RAPGEF5: variants seen among roughly 807,000 people sequenced by gnomAD.
The protein encoded by RAPGEF5 is M-Ras-regulated GEF.
RAPGEF5 carries 65 observed loss-of-function variants against 125.2 expected under a neutral mutation model. The observed-to-expected ratio is 0.52, with a 90% CI of 0.43 to 0.64. The LOEUF is 0.64. RAPGEF5 is among the 30% of genes least tolerant of loss of function. The pLI, the probability that RAPGEF5 is intolerant of heterozygous loss-of-function variation, is 0.00. For missense variants in RAPGEF5, 958 were observed against 1,048.1 expected, an observed-to-expected ratio of 0.91 and a Z score of 1.19; for synonymous variants, 391 against 385.9, an observed-to-expected ratio of 1.01 and a Z score of -0.16.
At chr7:22,287,661 A>G (rs1284228924) in intron 6 of RAPGEF5, among the ~76,000 whole-genome samples, 1 of 152,214 alleles carries the variant, frequency 6.6e-6, no homozygotes, top group Non-Finnish European at 1.5e-5. Flanking sequence ...TAGGGGTCAC[A>G]GTAGATGAGA....
At chr7:22,235,774 C>T (rs1379318158) in intron 7 of RAPGEF5, among the ~76,000 whole-genome samples, 1 of 152,136 alleles carries the variant, frequency 6.6e-6, no homozygotes, top group Non-Finnish European at 1.5e-5. Flanking sequence ...ATACTCCAAC[C>T]ACATTCAGCC....
At chr7:22,267,571 G>A (rs1191722944) in intron 6 of RAPGEF5, among the ~76,000 whole-genome samples, 1 of 151,950 alleles carries the variant, frequency 6.6e-6, no homozygotes, top group Non-Finnish European at 1.5e-5. Context: ...AGGTGAAATG[G>A]GAATATACTA....
intron 5 of RAPGEF5, among the ~76,000 whole-genome samples, chr7:22,296,844 T>C (rs1783073190): frequency 6.6e-6 from 1 of 152,178 alleles, no homozygotes; most frequent in Admixed American, 6.5e-5. Flanking sequence ...CAAGAGATGT[T>C]ATCCCAGGGG....
chr7:22,136,991 A>G lies in RAPGEF5; in HGVS notation c.2278-8T>C. Reference sequence around the variant, plus strand: ...AAACTTCCCAGGGATTTTCTAAAAAACAAACACAAACAAAAAACAGAAGGT... The same window carrying G: ...AAACTTCCCAGGGATTTTCTAAAAAGCAAACACAAACAAAAAACAGAAGGT... On this transcript the variant is annotated splice_region_variant and splice_polypyrimidine_tract_variant and intron_variant, in intron 21 of 25. Coordinates refer to ENST00000665637, the MANE Select transcript of RAPGEF5 (RefSeq NM_012294.5). 1 of 1,560,688 alleles carries G rather than the reference A, an allele frequency of 6.4e-7. No individual in the cohort carries two copies.
chr7:22,313,130 T>A (rs1360361355), intron 3 of RAPGEF5, among the ~76,000 whole-genome samples: 1 of 152,246 alleles, frequency 6.6e-6, no homozygotes, highest in Non-Finnish European at 1.5e-5. Context: ...ATGTGACTGC[T>A]TAACAAAACA....
At chr7:22,241,734 T>G (rs1409334313) in intron 7 of RAPGEF5, among the ~76,000 whole-genome samples, 1 of 152,188 alleles carries the variant, frequency 6.6e-6, no homozygotes, top group Admixed American at 6.5e-5. Context: ...CATTGTTATC[T>G]GTGGATGGGA....
At chr7:22,248,383 G>A (rs1583515617) in intron 7 of RAPGEF5, among the ~76,000 whole-genome samples, 1 of 152,114 alleles carries the variant, frequency 6.6e-6, no homozygotes, top group Admixed American at 6.6e-5. Context: ...CTAAGTCTTG[G>A]GTTAGTTTCA....
At chr7:22,262,099 G>A (rs1013374577) in intron 7 of RAPGEF5, among the ~76,000 whole-genome samples, 20 of 152,032 alleles carry the variant, frequency 1.3e-4, no homozygotes, top group South Asian at 2.1e-4. Flanking sequence ...TGAAAGACTC[G>A]TTGAGAGGAT....
intron 12 of RAPGEF5, 24 bp from the exon 13 acceptor site, chr7:22,162,565 A>G (rs1399688181): frequency 1.3e-6 from 2 of 1,585,042 alleles, no homozygotes; most frequent in Non-Finnish European, 8.6e-7. Context: ...AGAAAAAATT[A>G]TATTGTTGAA....
Position 22,150,512 on chromosome 7 carries a change from T to C in RAPGEF5, c.1787-8A>G. 1 of 1,324,578 alleles carries C rather than the reference T, an allele frequency of 7.5e-7. No individual in the cohort carries two copies. The highest frequency in any genetic ancestry group is 1.5e-5 in the South Asian group (1 of 66,516). The allele number at this position is 1,324,578 out of a possible 1,614,324, so 82.1% of individuals were successfully genotyped here. A position where few individuals can be genotyped will look rare whatever the true frequency, so the allele number is the denominator to read the frequency against. On this transcript the variant is annotated splice_region_variant and splice_polypyrimidine_tract_variant and intron_variant, in intron 17 of 25. Transcript: ENST00000665637. ...GCTGAAGTTCATGCTTTTCTTTATT[T>C]GAAAAAAAAAAAAAAAAAAGGAATA...
chr7:22,229,051 T>C (rs1010992084), intron 8 of RAPGEF5, among the ~76,000 whole-genome samples: 16 of 152,056 alleles, frequency 1.1e-4, no homozygotes, highest in Non-Finnish European at 1.8e-4. Flanking sequence ...GGGGACACCA[T>C]GGGGACAAAG....
rs796138540 is a variant in RAPGEF5, at chr7:22,182,233, G to A, written c.1204+11134C>T. The stretch of plus-strand genomic sequence containing the variant: ...TTATCTCACTTTAAATCCAACAACC[G>A]TCTGGGGAGATGACACAAGATCTCT... On this transcript the variant is annotated intron_variant, in intron 11 of 25. Transcript: ENST00000665637. Among the ~76,000 whole-genome samples, 7 of 152,110 alleles carry A rather than the reference G, an allele frequency of 4.6e-5. No homozygotes were observed. In the South Asian group the frequency reaches 8.3e-4, roughly 18 times the overall value.
At chr7:22,213,206 C>T (rs916393302) in intron 9 of RAPGEF5, among the ~76,000 whole-genome samples, 1 of 152,160 alleles carries the variant, frequency 6.6e-6, no homozygotes, top group African/African-American at 2.4e-5. Flanking sequence ...CCTAAAAATA[C>T]AGCTAATGAG....
At chr7:22,276,078 A>G (rs1022980987) in intron 6 of RAPGEF5, among the ~76,000 whole-genome samples, 5 of 152,228 alleles carry the variant, frequency 3.3e-5, no homozygotes, top group African/African-American at 1.2e-4. Flanking sequence ...TTCCTGATAA[A>G]TAAAAATTTG....
At chr7:22,153,949 A>G (rs1672470652) in intron 17 of RAPGEF5, among the ~76,000 whole-genome samples, 1 of 152,214 alleles carries the variant, frequency 6.6e-6, no homozygotes, top group Non-Finnish European at 1.5e-5. Context: ...AAGGCCCAAC[A>G]GAAGGAGAAG....
intron 7 of RAPGEF5, among the ~76,000 whole-genome samples, chr7:22,234,626 GATTA>G (rs1786140779): frequency 6.6e-6 from 1 of 152,166 alleles, no homozygotes; most frequent in South Asian, 2.1e-4. Context: ...CATGTATGTG[GATTA>G]ATTAACAGAT....
chr7:22,209,968 T>C (rs1017902521), intron 9 of RAPGEF5, among the ~76,000 whole-genome samples: 7 of 152,246 alleles, frequency 4.6e-5, no homozygotes, highest in Non-Finnish European at 1.0e-4. Context: ...CATTTTCTTG[T>C]GACTAATGCA....
intron 2 of RAPGEF5, among the ~76,000 whole-genome samples, chr7:22,316,474 TATATATATATATA>T (rs1365687085): frequency 0.014 from 781 of 57,202 alleles, 11 homozygotes; most frequent in African/African-American, 0.051. Flanking sequence ...TATATATATA[TATATATATATATA>T]TATTTTTTTT....
chr7:22,191,934 TAAG>T (rs759239766), intron 11 of RAPGEF5, among the ~76,000 whole-genome samples: 2 of 152,238 alleles, frequency 1.3e-5, no homozygotes, highest in South Asian at 2.1e-4. Context: ...GTAGTGTTAT[TAAG>T]AAGAAGGAAG....
Sources: gnomAD v4.1 joint callset for allele counts (sites outside exome capture counted in the v4.1 genomes callset) on GRCh38, gnomAD v4.1.1 for gene constraint, MANE v1.5 for transcripts, NCBI Gene and HGNC (gene_info 2026-07-23, HGNC 2026-07-21) for gene names.